SMOX: variants seen among roughly 807,000 people sequenced by gnomAD.
SMOX encodes the protein flavin containing amine oxidase.
Under a neutral mutation model 51.0 loss-of-function variants are expected in SMOX, and 22 were observed. The ratio of observed to expected loss-of-function variants is 0.43; its 90% CI spans 0.31 to 0.62. The LOEUF is 0.62. Among genes scored for constraint, SMOX ranks in the 20% least tolerant of loss-of-function variants. SMOX has a pLI of 0.10. For missense variants in SMOX, 566 were observed against 777.7 expected (o/e 0.73, Z 3.24); for synonymous variants, 282 against 307.8 (o/e 0.92, Z 0.88).
In SMOX at chr20:4,182,197, A is replaced by G. The variant is rs1979380764; in HGVS notation, c.718A>G (p.Met240Val). Residue 240 changes from methionine to valine, a missense_variant, in exon 5 of 7, where the codon ATG becomes GTG. By Grantham distance (21) the Met-to-Val change is conservative. Around this residue, in one of 3 missense-constraint regions of SMOX, gnomAD observed 347 missense variants for 481.8 expected, o/e 0.72. Coordinates refer to ENST00000305958, the MANE Select transcript of SMOX (RefSeq NM_175839.3). The surrounding 1 kb of genome is among the most constrained non-coding windows in gnomAD (Gnocchi z 8.4). ...GAHHIIPSGF[M>V]RVVELLAEGI... ...TCACCACATCATCCCCTCGGGCTTC[A>G]TGCGGGTTGTGGAGCTGCTGGCGGA... 6.2e-7 allele frequency: 1 copy of G among 1,613,646 alleles called. No homozygotes were observed. The highest frequency in any genetic ancestry group is 8.5e-7 in the Non-Finnish European group (1 of 1,180,000).
intron 1 of SMOX, among the ~76,000 whole-genome samples, chr20:4,150,552 C>T (rs549667028): frequency 1.3e-5 from 2 of 152,320 alleles, no homozygotes; most frequent in South Asian, 4.1e-4. Flanking sequence ...AGCCGCTTCT[C>T]TCTCTGGTCT....
At chr20:4,164,156 G>A (rs1170055537) in intron 1 of SMOX, among the ~76,000 whole-genome samples, 2 of 152,156 alleles carry the variant, frequency 1.3e-5, no homozygotes, top group East Asian at 3.8e-4. Context: ...CAGTGTCTCT[G>A]TGGGGTAGGG....
intron 1 of SMOX, among the ~76,000 whole-genome samples, chr20:4,150,853 C>T (rs955292724): frequency 1.5e-4 from 17 of 114,042 alleles, no homozygotes; most frequent in Admixed American, 1.4e-3. Context: ...TTCTTTGAGA[C>T]GGAGTTTCGC....
Position 4,177,265 on chromosome 20 carries a change from C to G in SMOX, c.209-86C>G. 1 of 1,191,104 alleles carries G rather than the reference C, an allele frequency of 8.4e-7. No homozygotes were observed. The highest frequency in any genetic ancestry group is 1.2e-6 in the Non-Finnish European group (1 of 838,442). 73.8% of individuals were successfully genotyped at this position (1,191,104 alleles called of 1,614,324 possible). ...CTGCCCTGTTGTAGGGTGGAAAGAC[C>G]CTCTTGGAGGAAGGAGGGGGAAGCA... On this transcript the variant is annotated intron_variant, in intron 2 of 6. Transcript: ENST00000305958. The surrounding 1 kb of genome is among the most constrained non-coding windows in gnomAD (Gnocchi z 4.3).
rs975798896 is a variant in SMOX at position 4,167,897 on chromosome 20, C to T, written c.-26-7133C>T. ...GGTTGAGGGGTGGGAGGAGCCTCAC[C>T]GCAGACACAGAGCCCCTTTGTCTGG... On this transcript the variant is annotated intron_variant, in intron 1 of 6. Coordinates refer to ENST00000305958, the MANE Select transcript of SMOX (RefSeq NM_175839.3). The surrounding 1 kb of genome is among the most constrained non-coding windows in gnomAD (Gnocchi z 4.8). 1.3e-5 allele frequency among the ~76,000 whole-genome samples: 2 copies of T among 151,998 alleles called. No individual in the cohort carries two copies. The highest frequency in any genetic ancestry group is 6.6e-5 in the Admixed American group (1 of 15,264).
Position 4,177,950 on chromosome 20 carries a change from G to A in SMOX, c.435+373G>A, listed in dbSNP as rs978966182. Among the ~76,000 whole-genome samples, 10 of 152,132 alleles carry A rather than the reference G, an allele frequency of 6.6e-5. No individual in the cohort carries two copies. Among genetic ancestry groups the A allele is most frequent in the Admixed American group, 2.0e-4 (3 of 15,284 alleles). ...AGTGATGGTGATGTTTTAGACCTTC[G>A]CTCTGCAGTGTGGTAGTCACTAGCC... On this transcript the variant is annotated intron_variant, in intron 3 of 6. Coordinates refer to ENST00000305958, the MANE Select transcript of SMOX (RefSeq NM_175839.3). This position sits in a 1 kb window ranked among gnomAD's most constrained non-coding sequence, Gnocchi z 4.3.
intron 1 of SMOX, among the ~76,000 whole-genome samples, chr20:4,164,916 C>A (rs73583969): frequency 6.6e-6 from 1 of 152,016 alleles, no homozygotes; most frequent in Non-Finnish European, 1.5e-5. Flanking sequence ...GAGACAAGGT[C>A]GCCCATAGTG....
chr20:4,182,766 C>T lies in SMOX; in HGVS notation c.1287C>T (p.Cys429=), dbSNP rs908730241. Residue 429 remains cysteine, a synonymous_variant, in exon 5 of 7, where the codon TGC becomes TGT. Transcript: ENST00000305958. The surrounding 1 kb of genome is among the most constrained non-coding windows in gnomAD (Gnocchi z 8.4). The part of the protein sequence containing the change: ...RYGHVLSGWI[C]GEEALVMEKC... Reference sequence around the variant, plus strand: ...GCCATGTGCTGAGCGGCTGGATCTGCGGGGAGGAGGCCCTCGTCATGGAGA... The same window carrying T: ...GCCATGTGCTGAGCGGCTGGATCTGTGGGGAGGAGGCCCTCGTCATGGAGA... 9.9e-6 allele frequency: 16 copies of T among 1,613,910 alleles called. No homozygotes were observed. Among genetic ancestry groups the T allele is most frequent in the Middle Eastern group, 1.6e-4 (1 of 6,084 alleles).
intron 1 of SMOX, among the ~76,000 whole-genome samples, chr20:4,154,006 C>T (rs904460891): frequency 1.3e-5 from 2 of 152,206 alleles, no homozygotes; most frequent in Non-Finnish European, 2.9e-5. Context: ...TGAGCCATGC[C>T]AGGTGTGATA....
Position 4,153,619 on chromosome 20 carries a change from G to A in SMOX, c.-27+4642G>A, listed in dbSNP as rs1985867724. 6.6e-6 allele frequency among the ~76,000 whole-genome samples: 1 copy of A among 152,182 alleles called. No individual in the cohort carries two copies. The highest frequency in any genetic ancestry group is 1.5e-5 in the Non-Finnish European group (1 of 68,032). ...GAATTCTGAGCCCCAGAGTTGAGGG[G>A]ATCTGCTCATCTATCTGGACAGATC... is the stretch of plus-strand genomic sequence containing the variant. On this transcript the variant is annotated intron_variant, in intron 1 of 6. Coordinates refer to ENST00000305958, the MANE Select transcript of SMOX (RefSeq NM_175839.3). The surrounding 1 kb of genome is among the most constrained non-coding windows in gnomAD (Gnocchi z 4.4).
rs1050398692 is a variant in SMOX, at chr20:4,148,930, C to G, written c.-74C>G. 1 of 152,264 alleles carries G rather than the reference C, an allele frequency of 6.6e-6. No homozygotes were observed. Among genetic ancestry groups the G allele is most frequent in the Admixed American group, 6.6e-5 (1 of 15,256 alleles). 9.4% of individuals were successfully genotyped at this position (152,264 alleles called of 1,614,324 possible). On this transcript the variant is annotated 5_prime_UTR_variant, in exon 1 of 7. Coordinates refer to ENST00000305958, the MANE Select transcript of SMOX (RefSeq NM_175839.3). ...GAGGAGAGACGGAGGAGGCCGAGAC[C>G]GGAGCGCCGCTCGCCGCAGACTTAC...
intron 1 of SMOX, among the ~76,000 whole-genome samples, chr20:4,157,719 C>T (rs2122393387): frequency 6.6e-6 from 1 of 152,034 alleles, no homozygotes; most frequent in South Asian, 2.1e-4. Flanking sequence ...GGGGGCGGTG[C>T]TGTGCCCCTT....
At chr20:4,159,631 C>G (rs770088275) in intron 1 of SMOX, among the ~76,000 whole-genome samples, 1 of 152,118 alleles carries the variant, frequency 6.6e-6, no homozygotes. Flanking sequence ...AGAGTGATAA[C>G]AATGATGATA....
At position 4,182,318 on chromosome 20, in the gene SMOX, C is replaced by T. The variant is rs766443432; in HGVS notation, c.839C>T (p.Pro280Leu). ...SARPRGPEIE[P>L]RGEGDHNHDT... The stretch of plus-strand genomic sequence containing the variant: ...CGCCCCAGAGGCCCTGAGATTGAGC[C>T]CCGGGGTGAGGGCGACCACAATCAC... The change falls in exon 5 of 7, where the codon CCC becomes CTC. Residue 280 changes from proline to leucine, a missense_variant. Pro to Leu is a moderately conservative substitution (Grantham distance 98). This residue lies in a region of SMOX where 347 missense variants were observed against 481.8 expected (regional missense o/e 0.72). Coordinates refer to ENST00000305958, the MANE Select transcript of SMOX (RefSeq NM_175839.3). This position sits in a 1 kb window ranked among gnomAD's most constrained non-coding sequence, Gnocchi z 8.4. 2.5e-6 allele frequency: 4 copies of T among 1,598,854 alleles called. No individual in the cohort carries two copies. The African/African-American group carries it at 4.0e-5, about 16-fold the overall frequency.
intron 6 of SMOX, among the ~76,000 whole-genome samples, chr20:4,185,633 C>A (rs1312687062): frequency 2.0e-5 from 2 of 101,364 alleles, no homozygotes; most frequent in Admixed American, 2.1e-4. Flanking sequence ...AAAACAACAA[C>A]CCCTGGCGCC....
At position 4,177,312 on chromosome 20, in the gene SMOX, G is replaced by A. The variant is rs376202937; in HGVS notation, c.209-39G>A. 36 of 1,529,346 alleles carry A rather than the reference G, an allele frequency of 2.4e-5. No individual in the cohort carries two copies. Among genetic ancestry groups the A allele is most frequent in the African/African-American group, 6.9e-5 (5 of 72,586 alleles). 94.7% of individuals were successfully genotyped at this position (1,529,346 alleles called of 1,614,324 possible). A position where few individuals can be genotyped will look rare whatever the true frequency, so the allele number is the denominator to read the frequency against. On this transcript the variant is annotated intron_variant, in intron 2 of 6. Coordinates refer to ENST00000305958, the MANE Select transcript of SMOX (RefSeq NM_175839.3). The surrounding 1 kb of genome is among the most constrained non-coding windows in gnomAD (Gnocchi z 4.3). ...AGCAGTGCTGGCCCTCTCTGGAGAA[G>A]TCCCTAAGCCTCTAAGGGCCTGCTG...
chr20:4,157,960 G>T (rs576838847), intron 1 of SMOX, among the ~76,000 whole-genome samples: 22 of 152,180 alleles, frequency 1.4e-4, no homozygotes, highest in African/African-American at 5.3e-4. Context: ...GAGTGCAGCG[G>T]CGCGATCTCG....
At chr20:4,174,185 G>A (rs759376516) in intron 1 of SMOX, among the ~76,000 whole-genome samples, 1 of 152,174 alleles carries the variant, frequency 6.6e-6, no homozygotes, top group Non-Finnish European at 1.5e-5. Context: ...TTGCCACTTC[G>A]GTGAGGCTGT....
At chr20:4,152,636 G>A (rs1029394549) in intron 1 of SMOX, among the ~76,000 whole-genome samples, 4 of 151,894 alleles carry the variant, frequency 2.6e-5, no homozygotes, top group African/African-American at 9.7e-5. Flanking sequence ...GTAGGGATGA[G>A]GAGGGCATCC....
Sources: allele counts gnomAD v4.1 joint callset (sites outside exome capture counted in the v4.1 genomes callset), GRCh38; gene constraint gnomAD v4.1.1; regional missense constraint gnomAD v4.1.1; non-coding constraint Gnocchi (gnomAD v3.1); transcripts MANE v1.5; gene names NCBI Gene and HGNC (gene_info 2026-07-23, HGNC 2026-07-21).